Variants in SSH2 observed in about 807,000 individuals in gnomAD.
SSH2 encodes protein phosphatase Slingshot homolog 2.
In SSH2, 37 loss-of-function variants were observed where a neutral mutation model predicts 135.2. The ratio of observed to expected loss-of-function variants is 0.27; its 90% confidence interval spans 0.21 to 0.36. The LOEUF (loss-of-function observed/expected upper bound fraction) is 0.36, where lower values mean the gene tolerates loss of function less well. Among genes scored for constraint, SSH2 ranks in the 10% least tolerant of loss-of-function variants. The probability of loss-of-function intolerance (pLI) is 1.00; values close to 1 mark genes in which losing one functional copy is unlikely to be tolerated. For synonymous variants in SSH2, 628 were observed against 646.2 expected (o/e 0.97, Z 0.43); for missense variants, 1,408 against 1,765.3 (o/e 0.80, Z 3.63).
intron 11 of SSH2, 108 bp from the exon 12 acceptor site, chr17:29,655,715 A>C: frequency 1.1e-6 from 1 of 942,554 alleles, no homozygotes; most frequent in African/African-American, 1.6e-5. Flanking sequence ...AATAACATCT[A>C]CCAGTGCCCT....
chr17:29,802,782 G>T (rs1466596504), intron 2 of SSH2, among the ~76,000 whole-genome samples: 1 of 152,084 alleles, frequency 6.6e-6, no homozygotes, highest in African/African-American at 2.4e-5. Context: ...GGTATTGGGG[G>T]TTAAGGCTAT....
intron 3 of SSH2, among the ~76,000 whole-genome samples, chr17:29,790,615 T>C (rs1290518252): frequency 6.6e-6 from 1 of 152,240 alleles, no homozygotes; most frequent in Admixed American, 6.5e-5. Flanking sequence ...GTTGATAGTG[T>C]CTTTTGATGC....
At chr17:29,871,802 G>A (rs1217584094) in intron 1 of SSH2, among the ~76,000 whole-genome samples, 1 of 152,106 alleles carries the variant, frequency 6.6e-6, no homozygotes, top group African/African-American at 2.4e-5. Context: ...AAAGTAATAT[G>A]ACATTGTGTC....
In SSH2 at chr17:29,632,970, T is replaced by C. The variant is rs368196318; in HGVS notation, c.2263-39A>G. 366 of 1,529,894 alleles carry C rather than the reference T, an allele frequency of 2.4e-4. 1 individual carries two copies. The highest frequency in any genetic ancestry group is 2.9e-4 in the Non-Finnish European group (325 of 1,131,944). The allele number at this position is 1,529,894 out of a possible 1,614,324, so 94.8% of individuals were successfully genotyped here. A position where few individuals can be genotyped will look rare whatever the true frequency, so the allele number is the denominator to read the frequency against. ...GTAGTGAGAAGATTATGGCAAACTGTAGTCTAATTGAAAATGCTGGATTTT... is the reference window on the plus strand; with the variant it reads ...GTAGTGAGAAGATTATGGCAAACTGCAGTCTAATTGAAAATGCTGGATTTT... On this transcript the variant is annotated intron_variant, in intron 15 of 15. Coordinates refer to ENST00000540801, the MANE Select transcript of SSH2 (RefSeq NM_001282129.2).
intron 4 of SSH2, among the ~76,000 whole-genome samples, chr17:29,697,381 GA>G (rs1413857523): frequency 6.6e-6 from 1 of 152,090 alleles, no homozygotes; most frequent in African/African-American, 2.4e-5. Context: ...TGTTAATTAT[GA>G]GATGAAATAC....
intron 3 of SSH2, among the ~76,000 whole-genome samples, chr17:29,779,290 ACTT>A: frequency 6.6e-6 from 1 of 152,238 alleles, no homozygotes; most frequent in Non-Finnish European, 1.5e-5. Flanking sequence ...AACAAAGAAT[ACTT>A]CAGTGAAATG....
At position 29,631,220 on chromosome 17, in the gene SSH2, C is replaced by T. The variant is rs757752494; in HGVS notation, c.3974G>A (p.Gly1325Asp). 4 of 1,614,034 alleles carry T rather than the reference C, an allele frequency of 2.5e-6. No individual in the cohort carries two copies. In the South Asian group the frequency reaches 4.4e-5, roughly 18 times the overall value. ...LLQPFLRTDSGMHAMEDQESL... is the reference protein window; with the variant it reads ...LLQPFLRTDSDMHAMEDQESL... Reference sequence around the variant, plus strand: ...CTCTTGGTCCTCCATCGCGTGCATGCCTGAGTCTGTTCTGAGGAAAGGCTG... The same window carrying T: ...CTCTTGGTCCTCCATCGCGTGCATGTCTGAGTCTGTTCTGAGGAAAGGCTG... The change falls in exon 16 of 16, where the codon GGC (glycine) becomes GAC (aspartate). Residue 1325 changes from glycine (G) to aspartate (D), a missense_variant. Around this residue, in one of 3 missense-constraint regions of SSH2, gnomAD observed 1,080 missense variants for 1,144.5 expected, o/e 0.94. Coordinates refer to ENST00000540801, the MANE Select transcript of SSH2 (RefSeq NM_001282129.2).
At chr17:29,742,759 C>A (rs1167241025) in intron 3 of SSH2, among the ~76,000 whole-genome samples, 1 of 147,152 alleles carries the variant, frequency 6.8e-6, no homozygotes, top group Non-Finnish European at 1.5e-5. Context: ...CTCAGCCTCC[C>A]GAGAAGCTAG....
intron 1 of SSH2, 90 bp downstream of exon 1, chr17:29,929,848 G>C: frequency 7.9e-7 from 1 of 1,258,366 alleles, no homozygotes; most frequent in Non-Finnish European, 1.1e-6. Flanking sequence ...GCGGCGCGGC[G>C]CGTGCGCAGT....
chr17:29,911,727 T>TAGAA (rs2066769446), intron 1 of SSH2, among the ~76,000 whole-genome samples: 1 of 152,240 alleles, frequency 6.6e-6, no homozygotes, highest in Non-Finnish European at 1.5e-5. Flanking sequence ...TCAAGCTTTC[T>TAGAA]AATTTCAACT....
intron 1 of SSH2, among the ~76,000 whole-genome samples, chr17:29,918,915 C>T (rs1019661571): frequency 6.6e-6 from 1 of 151,762 alleles, no homozygotes; most frequent in South Asian, 2.1e-4. Flanking sequence ...CCAGCCTGAG[C>T]GACAGAACGA....
chr17:29,811,019 A>G (rs1417273774), intron 2 of SSH2, among the ~76,000 whole-genome samples: 3 of 152,112 alleles, frequency 2.0e-5, no homozygotes, highest in Non-Finnish European at 2.9e-5. Flanking sequence ...TTTTGGAGAC[A>G]GAGTCTCGCT....
In SSH2 at chr17:29,676,870, C is replaced by T. The variant is rs35100755; in HGVS notation, c.564G>A (p.Ser188=). Residue 188 remains serine (S), a synonymous_variant, in exon 8 of 16, where the codon TCG becomes TCA. Transcript: ENST00000540801. The stretch of plus-strand genomic sequence containing the variant: ...TGAATATGTGAACTCTGTTATCCGT[C>T]GATACACTGAACCCACTAAGGACAA... ...HLDGDGGFSV[S]TDNRVHIFKP... 3.5e-4 allele frequency: 572 copies of T among 1,613,712 alleles called. 4 individuals are homozygous for T. The African/African-American group carries it at 6.7e-3, about 19-fold the overall frequency.
At chr17:29,736,054 G>T (rs1302496475) in intron 3 of SSH2, among the ~76,000 whole-genome samples, 2 of 151,954 alleles carry the variant, frequency 1.3e-5, no homozygotes, top group African/African-American at 4.8e-5. Flanking sequence ...CCGAGATTGC[G>T]CCACTGCAGT....
chr17:29,715,109 C>T (rs1312606217), intron 3 of SSH2, among the ~76,000 whole-genome samples: 1 of 152,108 alleles, frequency 6.6e-6, no homozygotes, highest in Non-Finnish European at 1.5e-5. Flanking sequence ...TCAGGTGATC[C>T]ACCAGCCTCG....
At chr17:29,834,671 T>TA (rs1230032961) in intron 2 of SSH2, among the ~76,000 whole-genome samples, 1 of 152,072 alleles carries the variant, frequency 6.6e-6, no homozygotes, top group Non-Finnish European at 1.5e-5. Flanking sequence ...TCTAAGATTA[T>TA]AAAAAAATTC....
intron 3 of SSH2, among the ~76,000 whole-genome samples, chr17:29,749,136 T>C (rs941976411): frequency 2.0e-5 from 3 of 152,162 alleles, no homozygotes; most frequent in Admixed American, 6.5e-5. Flanking sequence ...AAATGATCTG[T>C]GCCAGAACCT....
At chr17:29,766,457 CAA>C (rs199601705) in intron 3 of SSH2, among the ~76,000 whole-genome samples, 1 of 140,528 alleles carries the variant, frequency 7.1e-6, no homozygotes. Flanking sequence ...GACGCTGTCT[CAA>C]AAAAAAAAAT....
chr17:29,681,954 T>C (rs2038006830), intron 6 of SSH2, among the ~76,000 whole-genome samples: 1 of 152,216 alleles, frequency 6.6e-6, no homozygotes, highest in Admixed American at 6.5e-5. Flanking sequence ...ATAGCAAGTT[T>C]AGCAAACAGA....
Sources: gnomAD v4.1 joint callset for allele counts (sites outside exome capture counted in the v4.1 genomes callset) on GRCh38, gnomAD v4.1.1 for gene constraint, gnomAD v4.1.1 regional missense constraint, MANE v1.5 for transcripts, NCBI Gene and HGNC (gene_info 2026-07-23, HGNC 2026-07-21) for gene names.